Variants in SHLD2 observed in about 807,000 individuals in gnomAD.
SHLD2 encodes the protein RINN1-REV7-interacting novel NHEJ regulator 2.
In SHLD2, 30 loss-of-function variants were observed where a neutral mutation model predicts 73.2. The ratio of observed to expected loss-of-function variants is 0.41; its 90% CI spans 0.31 to 0.56. The LOEUF (loss-of-function observed/expected upper bound fraction) is 0.56, where lower values mean the gene tolerates loss of function less well. Among genes scored for constraint, SHLD2 ranks in the 20% least tolerant of loss-of-function variants. SHLD2 has a pLI of 0.28. For missense variants in SHLD2, 745 were observed against 1,055.9 expected, an observed-to-expected ratio of 0.71 and a Z score of 4.08; for synonymous variants, 285 against 370.1, an observed-to-expected ratio of 0.77 and a Z score of 2.64.
intron 2 of SHLD2, among the ~76,000 whole-genome samples, chr10:87,135,099 A>G (rs765695424): frequency 9.9e-5 from 15 of 151,968 alleles, no homozygotes; most frequent in Non-Finnish European, 2.1e-4. Context: ...TAGTATAGAG[A>G]GTTCCCATAG....
intron 2 of SHLD2, among the ~76,000 whole-genome samples, chr10:87,149,037 G>A (rs997804691): frequency 2.0e-5 from 3 of 151,416 alleles, no homozygotes; most frequent in African/African-American, 7.3e-5. Context: ...ACAGGCTTGT[G>A]CCATCATGCC....
At chr10:87,102,353 C>T (rs1013278941) in intron 2 of SHLD2, among the ~76,000 whole-genome samples, 2 of 152,098 alleles carry the variant, frequency 1.3e-5, no homozygotes, top group Non-Finnish European at 2.9e-5. Context: ...CCCAAGCGGT[C>T]TTCCCACCTC....
intron 4 of SHLD2, among the ~76,000 whole-genome samples, chr10:87,169,893 A>G (rs1326259781): frequency 3.9e-5 from 6 of 152,100 alleles, no homozygotes; most frequent in African/African-American, 1.2e-4. Flanking sequence ...GAGCTCAGGG[A>G]ACAAAGCAGC....
intron 6 of SHLD2, among the ~76,000 whole-genome samples, chr10:87,175,164 C>A (rs1408475218): frequency 1.4e-5 from 2 of 147,082 alleles, no homozygotes; most frequent in African/African-American, 2.5e-5. Flanking sequence ...AAAATAAGTA[C>A]AATTGTGTCT....
At chr10:87,106,528 A>G (rs913326674) in intron 2 of SHLD2, among the ~76,000 whole-genome samples, 6 of 152,222 alleles carry the variant, frequency 3.9e-5, no homozygotes, top group African/African-American at 1.4e-4. Flanking sequence ...ATCTTATACA[A>G]TGATAACAGT....
At chr10:87,124,770 G>C (rs992415965) in intron 2 of SHLD2, among the ~76,000 whole-genome samples, 3 of 137,270 alleles carry the variant, frequency 2.2e-5, no homozygotes, top group South Asian at 4.6e-4. Context: ...TTTTGAGACA[G>C]AATCTTGCTC....
intron 2 of SHLD2, among the ~76,000 whole-genome samples, chr10:87,108,151 G>A (rs529025568): frequency 1.1e-4 from 17 of 152,274 alleles, no homozygotes; most frequent in African/African-American, 3.6e-4. Flanking sequence ...CCAGGTTCAA[G>A]TGATTCTCCT....
At chr10:87,110,347 T>C (rs1003728543) in intron 2 of SHLD2, among the ~76,000 whole-genome samples, 2 of 152,052 alleles carry the variant, frequency 1.3e-5, no homozygotes, top group African/African-American at 4.8e-5. Context: ...CAATGGCTCA[T>C]GCCTGTAATC....
intron 6 of SHLD2, among the ~76,000 whole-genome samples, chr10:87,172,097 T>C (rs1847630197): frequency 6.6e-6 from 1 of 152,224 alleles, no homozygotes. Flanking sequence ...TTTAGGTTAG[T>C]ATTGAAAACA....
At chr10:87,167,324 G>A (rs1220855500) in intron 4 of SHLD2, among the ~76,000 whole-genome samples, 1 of 152,158 alleles carries the variant, frequency 6.6e-6, no homozygotes, top group Non-Finnish European at 1.5e-5. Flanking sequence ...ACATACACAG[G>A]AATTTATGGT....
chr10:87,149,584 G>T (rs1363284343), intron 2 of SHLD2, among the ~76,000 whole-genome samples: 3 of 151,990 alleles, frequency 2.0e-5, no homozygotes, highest in Non-Finnish European at 4.4e-5. Context: ...TTAGCTGGGC[G>T]TGGTGGTAGA....
intron 3 of SHLD2, among the ~76,000 whole-genome samples, chr10:87,156,038 T>C (rs2134369269): frequency 6.6e-6 from 1 of 151,738 alleles, no homozygotes; most frequent in East Asian, 1.9e-4. Context: ...ATACTACCTA[T>C]TGATATATAC....
intron 2 of SHLD2, among the ~76,000 whole-genome samples, chr10:87,149,996 C>A (rs1845896165): frequency 6.6e-6 from 1 of 152,030 alleles, no homozygotes; most frequent in Admixed American, 6.5e-5. Flanking sequence ...GTGATCCTCC[C>A]ACCTCGGCCT....
At chr10:87,114,827 C>T (rs1229561331) in intron 2 of SHLD2, among the ~76,000 whole-genome samples, 1 of 152,034 alleles carries the variant, frequency 6.6e-6, no homozygotes, top group African/African-American at 2.4e-5. Flanking sequence ...AACTGAATAG[C>T]CAAAATATAT....
chr10:87,147,165 G>A lies in SHLD2; in HGVS notation c.-5-4185G>A, dbSNP rs575153417. Among the ~76,000 whole-genome samples, 4 of 151,458 alleles carry A rather than the reference G, an allele frequency of 2.6e-5. No homozygotes were observed. In the South Asian group the frequency reaches 8.4e-4, roughly 32 times the overall value. Reference sequence around the variant, plus strand: ...CCCTGAGAGATCCTCTGAATTCTCAGGATTGCTTCATGTTGATTCTACTGT... The same window carrying A: ...CCCTGAGAGATCCTCTGAATTCTCAAGATTGCTTCATGTTGATTCTACTGT... On this transcript the variant is annotated intron_variant, in intron 2 of 9. Coordinates refer to ENST00000298786, the MANE Select transcript of SHLD2 (RefSeq NM_001330112.2).
rs551650739 is a variant in SHLD2 at position 87,096,768 on chromosome 10, G to A, written c.-61-166G>A. The stretch of plus-strand genomic sequence containing the variant: ...ATGGAAGAGAAAGTTCTTAGTTCTC[G>A]AAATATTGTGTAAAATATAAGGTGA... On this transcript the variant is annotated intron_variant, in intron 1 of 9. Transcript: ENST00000298786. Among the ~76,000 whole-genome samples, 9 of 152,238 alleles carry A rather than the reference G, an allele frequency of 5.9e-5. No individual in the cohort carries two copies. The South Asian group carries it at 6.2e-4, about 11-fold the overall frequency.
rs1043307272 is a variant in SHLD2, at chr10:87,129,754, G to A, written c.-5-21596G>A. ...TCCTGCCCTAGCCCTCCCAGTAGCT[G>A]GTACTACAGGCCTGCACCGCCAAAC... On this transcript the variant is annotated intron_variant, in intron 2 of 9. Coordinates refer to ENST00000298786, the MANE Select transcript of SHLD2 (RefSeq NM_001330112.2). 4.9e-4 allele frequency among the ~76,000 whole-genome samples: 75 copies of A among 151,644 alleles called. 1 individual carries two copies. Among genetic ancestry groups the A allele is most frequent in the Admixed American group, 1.1e-3 (17 of 15,232 alleles).
intron 3 of SHLD2, chr10:87,154,170 G>A (rs543892775): frequency 1.3e-4 from 20 of 151,148 alleles, no homozygotes; most frequent in African/African-American, 4.9e-4. Context: ...TTTTTAACAT[G>A]CCCTTGTTTC....
intron 4 of SHLD2, among the ~76,000 whole-genome samples, chr10:87,164,366 CTTCAGCCTTCCAA>C (rs1027975781): frequency 2.0e-5 from 3 of 152,104 alleles, no homozygotes; most frequent in African/African-American, 7.2e-5. Context: ...CAGCCTCCCA[CTTCAGCCTTCCAA>C]GTAGCCGGTA....
Sources: gnomAD v4.1 joint callset for allele counts (sites outside exome capture counted in the v4.1 genomes callset) on GRCh38, gnomAD v4.1.1 for gene constraint, MANE v1.5 for transcripts, NCBI Gene and HGNC (gene_info 2026-07-23, HGNC 2026-07-21) for gene names.